The following UVRAG variants were observed in gnomAD, a reference collection of about 807,000 sequenced individuals.
The protein encoded by UVRAG is UV radiation resistance-associated gene protein.
A neutral mutation model predicts 78.0 loss-of-function variants in UVRAG; 19 were observed. The ratio of observed to expected loss-of-function variants is 0.24; its 90% CI spans 0.17 to 0.36. UVRAG has a LOEUF of 0.36. Ranked by LOEUF, UVRAG falls within the 10% of genes least tolerant of loss-of-function variation. The pLI is 1.00. For synonymous variants in UVRAG, 323 were observed against 324.6 expected (o/e 1.00, Z 0.05); for missense variants, 740 against 853.8 (o/e 0.87, Z 1.66).
At chr11:75,843,986 A>G (rs1434432802) in intron 1 of UVRAG, among the ~76,000 whole-genome samples, 1 of 151,490 alleles carries the variant, frequency 6.6e-6, no homozygotes, top group Non-Finnish European at 1.5e-5. Context: ...AGAACTCTCA[A>G]CAGTTTAATT....
At chr11:76,076,798 G>C (rs1489586467) in intron 13 of UVRAG, among the ~76,000 whole-genome samples, 3 of 131,670 alleles carry the variant, frequency 2.3e-5, no homozygotes, top group African/African-American at 1.1e-4. Context: ...TTTTAAATTA[G>C]GTTGTATTTA....
chr11:75,978,993 C>G (rs1949322909), intron 7 of UVRAG, among the ~76,000 whole-genome samples: 1 of 152,152 alleles, frequency 6.6e-6, no homozygotes. Flanking sequence ...TGGTTTCTCC[C>G]CATCTTTGTG....
chr11:75,952,743 A>AT (rs142978223), intron 6 of UVRAG, among the ~76,000 whole-genome samples: 19 of 151,104 alleles, frequency 1.3e-4, no homozygotes, highest in African/African-American at 3.6e-4. Context: ...TTGGTCTATA[A>AT]TTTTTTTTTC....
At chr11:76,113,302 C>T (rs1177247211) in intron 13 of UVRAG, among the ~76,000 whole-genome samples, 1 of 151,090 alleles carries the variant, frequency 6.6e-6, no homozygotes, top group Non-Finnish European at 1.5e-5. Context: ...TAAGAAAAAG[C>T]TAGTAGATAA....
intron 6 of UVRAG, among the ~76,000 whole-genome samples, chr11:75,922,950 A>G (rs1565381314): frequency 6.7e-6 from 1 of 148,408 alleles, no homozygotes; most frequent in East Asian, 2.0e-4. Context: ...AAAAAAAAAA[A>G]AGAAAAACGA....
intron 5 of UVRAG, among the ~76,000 whole-genome samples, chr11:75,900,216 G>C (rs1393158743): frequency 6.6e-6 from 1 of 152,126 alleles, no homozygotes; most frequent in African/African-American, 2.4e-5. Flanking sequence ...CTCACCAGGG[G>C]ATTCAGAGAG....
At chr11:75,898,533 A>G (rs1947405280) in intron 5 of UVRAG, among the ~76,000 whole-genome samples, 1 of 152,184 alleles carries the variant, frequency 6.6e-6, no homozygotes, top group South Asian at 2.1e-4. Context: ...ATAAAAATGA[A>G]TGGCCAAGAT....
chr11:76,099,379 G>T (rs1310273891), intron 13 of UVRAG, among the ~76,000 whole-genome samples: 1 of 152,098 alleles, frequency 6.6e-6, no homozygotes, highest in Non-Finnish European at 1.5e-5. Flanking sequence ...TACCTGCTTT[G>T]TTAGGGTTCT....
intron 10 of UVRAG, 138 bp downstream of exon 10, chr11:76,007,759 TTTAAAA>T: frequency 1.5e-6 from 1 of 676,764 alleles, no homozygotes; most frequent in Non-Finnish European, 2.5e-6. Context: ...CTAATGTCTA[TTTAAAA>T]CATAGATTTA....
At position 75,879,820 on chromosome 11, in the gene UVRAG, T is replaced by C. The variant is rs543216076; in HGVS notation, c.271-59T>C. 626 of 1,563,362 alleles carry C rather than the reference T, an allele frequency of 4.0e-4. 10 individuals are homozygous for C. The South Asian group carries it at 7.0e-3, about 17-fold the overall frequency. ...AAAAACAAAATGATTTGTCACCTAA[T>C]TGAAATAATCGTAAACAAATAGAGT... is the stretch of plus-strand genomic sequence containing the variant. On this transcript the variant is annotated intron_variant, in intron 3 of 14. Transcript: ENST00000356136.
chr11:75,997,609 T>G (rs950401468), intron 8 of UVRAG, among the ~76,000 whole-genome samples: 3 of 152,148 alleles, frequency 2.0e-5, no homozygotes, highest in African/African-American at 7.2e-5. Context: ...GAAACCATGG[T>G]AATGGTAGAA....
intron 13 of UVRAG, among the ~76,000 whole-genome samples, chr11:76,072,104 AAGAG>A (rs983539569): frequency 6.6e-6 from 1 of 152,138 alleles, no homozygotes; most frequent in Admixed American, 6.5e-5. Flanking sequence ...CAGAGCTGAA[AAGAG>A]AGAGAGACAA....
intron 6 of UVRAG, among the ~76,000 whole-genome samples, chr11:75,924,376 G>T (rs185929241): frequency 7.9e-4 from 120 of 151,692 alleles, no homozygotes; most frequent in Non-Finnish European, 1.4e-3. Context: ...TGAAAGCATT[G>T]TGTTTTTTTT....
chr11:75,904,138 T>C (rs1207523892), intron 5 of UVRAG, among the ~76,000 whole-genome samples: 1 of 152,224 alleles, frequency 6.6e-6, no homozygotes, highest in Admixed American at 6.5e-5. Context: ...CTAAAACATT[T>C]ACTATGTGGC....
Position 76,060,883 on chromosome 11 carries a change from C to T in UVRAG, c.1227-4827C>T, listed in dbSNP as rs1452840134. Among the ~76,000 whole-genome samples, 6 of 152,232 alleles carry T rather than the reference C, an allele frequency of 3.9e-5. No homozygotes were observed. The East Asian group carries it at 9.6e-4, about 24-fold the overall frequency. On this transcript the variant is annotated intron_variant, in intron 12 of 14. Transcript: ENST00000356136. ...GGATCCTGTGTGGCCCAAGCCTCCC[C>T]GACGAGCACTGTCCCCTGCTCCATG...
At chr11:76,065,910 A>G (rs749928458) in intron 13 of UVRAG, 122 bp downstream of exon 13, 6 of 731,968 alleles carry the variant, frequency 8.2e-6, no homozygotes, top group Non-Finnish European at 1.3e-5. Flanking sequence ...CAGTTACATT[A>G]GTAATACACA....
intron 13 of UVRAG, among the ~76,000 whole-genome samples, chr11:76,110,466 A>G (rs915635266): frequency 6.6e-6 from 1 of 152,162 alleles, no homozygotes; most frequent in African/African-American, 2.4e-5. Flanking sequence ...ATTTAAGCCT[A>G]TCCTACTGTG....
intron 6 of UVRAG, among the ~76,000 whole-genome samples, chr11:75,922,970 T>G (rs1948009636): frequency 6.8e-6 from 1 of 146,766 alleles, no homozygotes; most frequent in Admixed American, 6.8e-5. Flanking sequence ...AACATATATA[T>G]ATAAGAAAAA....
intron 3 of UVRAG, among the ~76,000 whole-genome samples, chr11:75,877,586 G>C (rs1352500159): frequency 1.4e-5 from 2 of 146,096 alleles, no homozygotes; most frequent in Non-Finnish European, 1.5e-5. Context: ...CCTCCCGTAC[G>C]GGTCGGCTGG....
Sources: allele counts gnomAD v4.1 joint callset (sites outside exome capture counted in the v4.1 genomes callset), GRCh38; gene constraint gnomAD v4.1.1; transcripts MANE v1.5; gene names NCBI Gene and HGNC (gene_info 2026-07-23, HGNC 2026-07-21).